Variants in GMDS observed in about 807,000 individuals in gnomAD.
GMDS encodes the protein GDP-mannose 4,6 dehydratase.
A neutral mutation model predicts 49.9 loss-of-function variants in GMDS; 20 were observed. The ratio of observed to expected loss-of-function variants is 0.40; its 90% CI spans 0.28 to 0.58. The LOEUF is 0.58. GMDS is among the 20% of genes least tolerant of loss of function. The probability of loss-of-function intolerance (pLI) is 0.42; values close to 1 mark genes in which losing one functional copy is unlikely to be tolerated. For synonymous variants in GMDS, 177 were observed against 178.6 expected, an observed-to-expected ratio of 0.99 and a Z score of 0.07; for missense variants, 362 against 481.4, an observed-to-expected ratio of 0.75 and a Z score of 2.32.
chr6:2,213,851 C>G (rs902393004), intron 1 of GMDS, among the ~76,000 whole-genome samples: 1 of 152,146 alleles, frequency 6.6e-6, no homozygotes, highest in African/African-American at 2.4e-5. Flanking sequence ...GGTAATGTTC[C>G]TTACATACTT....
rs149926086 is a variant in GMDS at position 2,169,093 on chromosome 6, A to G, written c.103-44362T>C. On this transcript the variant is annotated intron_variant, in intron 1 of 10. Coordinates refer to ENST00000380815, the MANE Select transcript of GMDS (RefSeq NM_001500.4). ...CAGTCATCTTTCCAGAGGGAAAAAA[A>G]ACTAAAATTCTCCCACATTCTTAGT... Among the ~76,000 whole-genome samples, 149 of 152,354 alleles carry G rather than the reference A, an allele frequency of 9.8e-4. 4 individuals carry two copies. The East Asian group carries it at 0.022, about 23-fold the overall frequency.
intron 1 of GMDS, among the ~76,000 whole-genome samples, chr6:2,162,684 ACACACACACACACACACACACACAC>A: frequency 6.8e-6 from 1 of 146,884 alleles, no homozygotes; most frequent in Non-Finnish European, 1.5e-5. Context: ...ACACACACAC[ACACACACACACACACACACACACAC>A]AAAACTTTCC....
intron 9 of GMDS, among the ~76,000 whole-genome samples, chr6:1,711,830 G>A (rs1441070989): frequency 6.6e-6 from 1 of 152,170 alleles, no homozygotes; most frequent in Non-Finnish European, 1.5e-5. Flanking sequence ...TTGATTCTAA[G>A]GAATGAGCTG....
chr6:1,873,596 C>G (rs1314185531), intron 7 of GMDS, among the ~76,000 whole-genome samples: 26 of 152,160 alleles, frequency 1.7e-4, no homozygotes, highest in Admixed American at 1.7e-3. Flanking sequence ...ACTGAAGAAA[C>G]TAGCACTAAG....
At position 1,863,899 on chromosome 6, in the gene GMDS, T is replaced by A. The variant is rs74902217; in HGVS notation, c.771+66204A>T. On this transcript the variant is annotated intron_variant, in intron 7 of 10. Coordinates refer to ENST00000380815, the MANE Select transcript of GMDS (RefSeq NM_001500.4). ...TTATCTCAAAATAAAAATAAAAGTT[T>A]AATATATATTTTCTAATGTGTCATT... 5.9e-3 allele frequency among the ~76,000 whole-genome samples: 901 copies of A among 152,248 alleles called. 9 individuals carry two copies. The highest frequency in any genetic ancestry group is 0.02 in the African/African-American group (848 of 41,548).
intron 7 of GMDS, among the ~76,000 whole-genome samples, chr6:1,871,094 C>G (rs1278880547): frequency 5.4e-5 from 8 of 149,494 alleles, no homozygotes; most frequent in Non-Finnish European, 1.2e-4. Flanking sequence ...ACACTTAAAC[C>G]ACTGTCTAAT....
At chr6:1,838,491 G>C (rs1158958496) in intron 7 of GMDS, among the ~76,000 whole-genome samples, 2 of 152,146 alleles carry the variant, frequency 1.3e-5, no homozygotes, top group Admixed American at 1.3e-4. Context: ...TTCTATAAAG[G>C]CTTTGGCTGT....
intron 7 of GMDS, among the ~76,000 whole-genome samples, chr6:1,923,737 A>G (rs776015337): frequency 5.3e-5 from 8 of 152,210 alleles, no homozygotes; most frequent in Non-Finnish European, 1.0e-4. Context: ...ATCCGACATC[A>G]ATGGTGATGT....
At chr6:1,960,007 T>C in intron 5 of GMDS, 36 bp from the exon 6 acceptor site, 1 of 1,300,644 alleles carries the variant, frequency 7.7e-7, no homozygotes, top group Non-Finnish European at 1.1e-6. Flanking sequence ...ATGAAGTTTG[T>C]TGTAAAAGAC....
In GMDS at chr6:1,880,163, T is replaced by G. The variant is rs528478510; in HGVS notation, c.771+49940A>C. ...AAGTATTTTACTGTTATAAAAATTT[T>G]TAGGCTGGGCACAGTGGCTCACACC... On this transcript the variant is annotated intron_variant, in intron 7 of 10. Coordinates refer to ENST00000380815, the MANE Select transcript of GMDS (RefSeq NM_001500.4). Among the ~76,000 whole-genome samples the G allele has an allele frequency of 3.7e-4, 56 of 151,960 alleles. No homozygotes were observed. In the South Asian group the frequency reaches 5.2e-3, roughly 14 times the overall value.
intron 6 of GMDS, among the ~76,000 whole-genome samples, chr6:1,959,397 T>C (rs921372430): frequency 2.6e-5 from 4 of 152,198 alleles, no homozygotes; most frequent in African/African-American, 7.2e-5. Flanking sequence ...TAAAATAATT[T>C]AGAAGCATAG....
chr6:2,034,093 T>C (rs1476564334), intron 4 of GMDS, among the ~76,000 whole-genome samples: 1 of 152,226 alleles, frequency 6.6e-6, no homozygotes, highest in African/African-American at 2.4e-5. Flanking sequence ...TATATGTATA[T>C]GCATATATGT....
chr6:2,051,310 G>A (rs535206601), intron 4 of GMDS, among the ~76,000 whole-genome samples: 4 of 152,280 alleles, frequency 2.6e-5, no homozygotes, highest in Admixed American at 2.0e-4. Context: ...AAGCCACTAG[G>A]TTTGTAGTTA....
rs571000267 is a variant in GMDS at position 2,046,609 on chromosome 6, G to A, written c.345+69162C>T. Among the ~76,000 whole-genome samples the A allele has an allele frequency of 9.9e-5, 15 of 152,140 alleles. 1 individual carries two copies. The highest frequency in any genetic ancestry group is 6.8e-3 in the Middle Eastern group (2 of 294). Reference sequence around the variant, plus strand: ...AGAGTAGCTGGGACTACAAGCAGGTGCCACTACCCCCGGTTAATTTTTTGT... The same window carrying A: ...AGAGTAGCTGGGACTACAAGCAGGTACCACTACCCCCGGTTAATTTTTTGT... On this transcript the variant is annotated intron_variant, in intron 4 of 10. Transcript: ENST00000380815.
intron 9 of GMDS, among the ~76,000 whole-genome samples, chr6:1,695,499 A>G (rs76479535): frequency 0.043 from 6,529 of 152,300 alleles, 469 homozygotes; most frequent in African/African-American, 0.15. Context: ...AAGGGGTGAC[A>G]GTGACATACA....
intron 7 of GMDS, among the ~76,000 whole-genome samples, chr6:1,846,304 G>C (rs1226012934): frequency 2.6e-5 from 4 of 151,954 alleles, no homozygotes; most frequent in African/African-American, 9.7e-5. Flanking sequence ...TGTTGCCCAG[G>C]CTGGTCTTGA....
At chr6:1,995,369 G>T (rs1486272112) in intron 4 of GMDS, among the ~76,000 whole-genome samples, 1 of 152,144 alleles carries the variant, frequency 6.6e-6, no homozygotes, top group Middle Eastern at 3.2e-3. Flanking sequence ...CCTAACCAGT[G>T]CACGGGCTCT....
intron 4 of GMDS, among the ~76,000 whole-genome samples, chr6:2,065,085 C>A (rs760470606): frequency 6.6e-6 from 1 of 152,094 alleles, no homozygotes; most frequent in South Asian, 2.1e-4. Flanking sequence ...TGAGGACAGG[C>A]AGACTGCCTC....
At position 1,945,463 on chromosome 6, in the gene GMDS, A is replaced by G. The variant is rs574560683; in HGVS notation, c.643+14404T>C. Among the ~76,000 whole-genome samples the G allele has an allele frequency of 1.9e-4, 29 of 152,330 alleles. No individual in the cohort carries two copies. The South Asian group carries it at 5.6e-3, about 29-fold the overall frequency. ...GTACTAGATGAGATGTTTTTAACACATACTGACAACAGACCATAATACGCA... is the reference window on the plus strand; with the variant it reads ...GTACTAGATGAGATGTTTTTAACACGTACTGACAACAGACCATAATACGCA... On this transcript the variant is annotated intron_variant, in intron 6 of 10. Transcript: ENST00000380815.
Sources: allele counts gnomAD v4.1 joint callset (sites outside exome capture counted in the v4.1 genomes callset), GRCh38; gene constraint gnomAD v4.1.1; transcripts MANE v1.5; gene names NCBI Gene and HGNC (gene_info 2026-07-23, HGNC 2026-07-21).